Variants in ZC3H3 observed in about 807,000 individuals in gnomAD.
The protein encoded by ZC3H3 is zinc finger CCCH domain-containing protein 3.
A neutral mutation model predicts 77.3 loss-of-function variants in ZC3H3; 36 were observed. That is an observed-to-expected ratio of 0.47 (90% CI 0.36 to 0.61). The LOEUF (loss-of-function observed/expected upper bound fraction) is 0.61. Ranked by LOEUF, ZC3H3 falls within the 20% of genes least tolerant of loss-of-function variation. ZC3H3 has a pLI of 0.00. For missense variants in ZC3H3, 1,331 were observed against 1,312.2 expected, an observed-to-expected ratio of 1.01 and a Z score of -0.22; for synonymous variants, 626 against 555.2, an observed-to-expected ratio of 1.13 and a Z score of -1.79.
chr8:143,480,829 A>G (rs908970973), intron 4 of ZC3H3, among the ~76,000 whole-genome samples: 5 of 152,184 alleles, frequency 3.3e-5, no homozygotes, highest in African/African-American at 1.2e-4. Context: ...GCACACTGGC[A>G]TGGCAGGAAG....
chr8:143,496,978 C>T (rs1204511372), intron 4 of ZC3H3, among the ~76,000 whole-genome samples: 2 of 152,242 alleles, frequency 1.3e-5, no homozygotes, highest in African/African-American at 4.8e-5. Flanking sequence ...GTCACAGAGA[C>T]ACCCCAAAGC....
chr8:143,438,135 C>T, intron 11 of ZC3H3, 48 bp from the exon 12 acceptor site: 1 of 1,581,100 alleles, frequency 6.3e-7, no homozygotes, highest in Non-Finnish European at 8.6e-7. Context: ...CCTGGAAGAA[C>T]CTCCCCAGCC....
chr8:143,503,052 G>C (rs921286399), intron 4 of ZC3H3, among the ~76,000 whole-genome samples: 1 of 152,224 alleles, frequency 6.6e-6, no homozygotes, highest in Non-Finnish European at 1.5e-5. Flanking sequence ...GATGCGACGG[G>C]CACCACGCTC....
intron 3 of ZC3H3, among the ~76,000 whole-genome samples, chr8:143,514,325 C>T (rs960625655): frequency 7.9e-5 from 12 of 152,164 alleles, no homozygotes; most frequent in Non-Finnish European, 1.6e-4. Flanking sequence ...GGGCTGCCAC[C>T]GCAGGCCCCA....
At chr8:143,464,392 C>A (rs1403359709) in intron 9 of ZC3H3, among the ~76,000 whole-genome samples, 1 of 152,270 alleles carries the variant, frequency 6.6e-6, no homozygotes, top group Non-Finnish European at 1.5e-5. Context: ...GGATTGCCTG[C>A]CAGGTTTCAG....
At chr8:143,502,473 A>C (rs1483472638) in intron 4 of ZC3H3, among the ~76,000 whole-genome samples, 1 of 152,238 alleles carries the variant, frequency 6.6e-6, no homozygotes, top group Non-Finnish European at 1.5e-5. Flanking sequence ...CTCTCGTCAA[A>C]ACTGCACAGA....
At chr8:143,440,802 G>A in intron 10 of ZC3H3, 134 bp downstream of exon 10, 1 of 1,060,628 alleles carries the variant, frequency 9.4e-7, no homozygotes, top group Non-Finnish European at 1.2e-6. Context: ...CCCAGCCTTG[G>A]ATAGGGATTT....
intron 11 of ZC3H3, among the ~76,000 whole-genome samples, chr8:143,438,468 A>G (rs1178496557): frequency 6.6e-6 from 1 of 152,204 alleles, no homozygotes; most frequent in African/African-American, 2.4e-5. Context: ...CTGCACGTTC[A>G]GTGAGGCTGC....
At chr8:143,535,908 C>A (rs1822779625) in intron 3 of ZC3H3, among the ~76,000 whole-genome samples, 1 of 152,248 alleles carries the variant, frequency 6.6e-6, no homozygotes, top group South Asian at 2.1e-4. Context: ...AGGCAGAGGC[C>A]TGGGGGTGCC....
chr8:143,519,612 G>A (rs978759413), intron 3 of ZC3H3, among the ~76,000 whole-genome samples: 2 of 152,178 alleles, frequency 1.3e-5, no homozygotes, highest in South Asian at 2.1e-4. Context: ...ACTGGCACCC[G>A]TGGGAAGGAC....
chr8:143,495,259 C>T (rs1285589399), intron 4 of ZC3H3, among the ~76,000 whole-genome samples: 3 of 152,216 alleles, frequency 2.0e-5, no homozygotes, highest in African/African-American at 4.8e-5. Context: ...AGCAATGACA[C>T]GAGCCTGAAT....
At chr8:143,511,513 A>T (rs1047742294) in intron 3 of ZC3H3, among the ~76,000 whole-genome samples, 1 of 152,214 alleles carries the variant, frequency 6.6e-6, no homozygotes, top group Non-Finnish European at 1.5e-5. Context: ...TGAGGCTGCC[A>T]AGCAGGAGAG....
chr8:143,523,379 C>T, intron 3 of ZC3H3: 1 of 985,414 alleles, frequency 1.0e-6, no homozygotes, highest in Non-Finnish European at 1.2e-6. Flanking sequence ...CTTCAGAATG[C>T]TGCCGCGACG....
intron 3 of ZC3H3, among the ~76,000 whole-genome samples, 159 bp downstream of exon 3, chr8:143,536,098 C>T (rs1822786335): frequency 1.3e-5 from 2 of 152,206 alleles, no homozygotes; most frequent in African/African-American, 4.8e-5. Context: ...GCCCTATCCT[C>T]TATCTGCCAG....
intron 3 of ZC3H3, among the ~76,000 whole-genome samples, chr8:143,520,322 G>A (rs1042819137): frequency 6.6e-6 from 1 of 152,236 alleles, no homozygotes; most frequent in African/African-American, 2.4e-5. Context: ...CCCCGACTTG[G>A]GAGGAAGTAA....
intron 9 of ZC3H3, among the ~76,000 whole-genome samples, chr8:143,459,433 C>T (rs1385063664): frequency 6.6e-6 from 1 of 152,208 alleles, no homozygotes; most frequent in Admixed American, 6.5e-5. Context: ...CCTGAAATCC[C>T]AGCTACTCAT....
chr8:143,515,341 G>GC (rs1446842300), intron 3 of ZC3H3, among the ~76,000 whole-genome samples: 2 of 152,190 alleles, frequency 1.3e-5, no homozygotes, highest in African/African-American at 4.8e-5. Context: ...CATCGGCAGG[G>GC]CCCCTGGGGC....
chr8:143,489,430 G>T (rs10104402), intron 4 of ZC3H3, among the ~76,000 whole-genome samples: 1 of 152,010 alleles, frequency 6.6e-6, no homozygotes, highest in African/African-American at 2.4e-5. Flanking sequence ...GGGGGGATGC[G>T]CCCTCCCACC....
chr8:143,465,697 G>A lies in ZC3H3; in HGVS notation c.2307+20C>T. 1 of 1,612,820 alleles carries A rather than the reference G, an allele frequency of 6.2e-7. No homozygotes were observed. The highest frequency in any genetic ancestry group is 8.5e-7 in the Non-Finnish European group (1 of 1,179,524). Reference sequence around the variant, plus strand: ...AAGCCACAGGAACCCCGCCCACTCGGGCCCCCACAGACCACTCACCTTTGC... The same window carrying A: ...AAGCCACAGGAACCCCGCCCACTCGAGCCCCCACAGACCACTCACCTTTGC... On this transcript the variant is annotated intron_variant, in intron 9 of 11. Coordinates refer to ENST00000262577, the MANE Select transcript of ZC3H3 (RefSeq NM_015117.3).
Sources: allele counts gnomAD v4.1 joint callset (sites outside exome capture counted in the v4.1 genomes callset), GRCh38; gene constraint gnomAD v4.1.1; transcripts MANE v1.5; gene names NCBI Gene and HGNC (gene_info 2026-07-23, HGNC 2026-07-21).